GRM7: variants seen among roughly 807,000 people sequenced by gnomAD.
The protein encoded by GRM7 is glutamate metabotropic receptor 7, also known as metabotropic glutamate receptor 7.
In GRM7, 35 loss-of-function variants were observed where a neutral mutation model predicts 84.5. The observed-to-expected ratio is 0.41, with a 90% CI of 0.32 to 0.55. The LOEUF (loss-of-function observed/expected upper bound fraction) is 0.55. GRM7 is among the 20% of genes least tolerant of loss of function. GRM7 has a pLI of 0.19. For synonymous variants in GRM7, 487 were observed against 455.1 expected (o/e 1.07, Z -0.89); for missense variants, 1,003 against 1,194.6 (o/e 0.84, Z 2.36).
At chr3:7,595,079 A>T (rs948712108) in intron 8 of GRM7, among the ~76,000 whole-genome samples, 4 of 152,196 alleles carry the variant, frequency 2.6e-5, no homozygotes, top group African/African-American at 7.2e-5. Flanking sequence ...CATTCATTCA[A>T]TATGTATTTA....
chr3:7,489,767 C>A (rs1699454982), intron 7 of GRM7, among the ~76,000 whole-genome samples: 1 of 151,924 alleles, frequency 6.6e-6, no homozygotes, highest in Non-Finnish European at 1.5e-5. Context: ...AATGAGGTCA[C>A]AGCTTTCTTA....
chr3:7,512,188 T>C (rs900709707), intron 7 of GRM7, among the ~76,000 whole-genome samples: 1 of 152,116 alleles, frequency 6.6e-6, no homozygotes, highest in Non-Finnish European at 1.5e-5. Flanking sequence ...GACAATTCAG[T>C]GACCATGAGA....
chr3:7,360,767 T>C (rs779552179), intron 4 of GRM7, among the ~76,000 whole-genome samples: 6 of 152,120 alleles, frequency 3.9e-5, no homozygotes, highest in African/African-American at 7.2e-5. Flanking sequence ...CAAATAATCA[T>C]CAAAATGTGA....
chr3:7,609,250 C>T (rs760692928), intron 8 of GRM7, among the ~76,000 whole-genome samples: 2 of 152,148 alleles, frequency 1.3e-5, no homozygotes, highest in Non-Finnish European at 2.9e-5. Flanking sequence ...GTCAGTAATT[C>T]ACTGTTCTTA....
chr3:7,118,601 C>T (rs1693119781), intron 1 of GRM7, among the ~76,000 whole-genome samples: 1 of 142,094 alleles, frequency 7.0e-6, no homozygotes, highest in Non-Finnish European at 1.6e-5. Context: ...TCGATCTTTC[C>T]AATTTCTGCT....
intron 7 of GRM7, among the ~76,000 whole-genome samples, chr3:7,510,003 T>C (rs1700150344): frequency 1.3e-5 from 2 of 152,224 alleles, no homozygotes; most frequent in Admixed American, 1.3e-4. Context: ...TATTTGTTTC[T>C]ACTTTTAAGC....
At chr3:7,289,773 C>A (rs1425491876) in intron 2 of GRM7, among the ~76,000 whole-genome samples, 1 of 149,148 alleles carries the variant, frequency 6.7e-6, no homozygotes, top group African/African-American at 2.5e-5. Flanking sequence ...AAAACAAACA[C>A]CACATGTTCT....
chr3:7,552,297 T>A (rs1559397851), intron 7 of GRM7, among the ~76,000 whole-genome samples: 2 of 152,184 alleles, frequency 1.3e-5, no homozygotes, highest in Admixed American at 6.5e-5. Context: ...ACAGCCCCAC[T>A]CCTGGTTGCT....
At position 7,578,996 on chromosome 3, in the gene GRM7, T is replaced by C. The variant is rs1695103685; in HGVS notation, c.2090T>C (p.Ile697Thr). ...AAATCAGTAACAGCTCCCAGACTCA[T>C]AAGCCCAACATCACAACTGGCAATC... ...GKKSVTAPRL[I>T]SPTSQLAITS... Residue 697 changes from isoleucine to threonine, a missense_variant, in exon 8 of 10, where the codon ATA (isoleucine) becomes ACA (threonine). Coordinates refer to ENST00000357716, the MANE Select transcript of GRM7 (RefSeq NM_000844.4). The C allele has an allele frequency of 6.2e-7, 1 of 1,614,016 alleles. No individual in the cohort carries two copies. The highest frequency in any genetic ancestry group is 8.5e-7 in the Non-Finnish European group (1 of 1,180,002).
intron 8 of GRM7, among the ~76,000 whole-genome samples, chr3:7,644,530 AT>A (rs1387758421): frequency 1.3e-5 from 2 of 152,146 alleles, no homozygotes; most frequent in Non-Finnish European, 2.9e-5. Flanking sequence ...CTCTCAGATA[AT>A]TCAAAGATGC....
chr3:7,194,379 T>A (rs1002715963), intron 2 of GRM7, among the ~76,000 whole-genome samples: 8 of 152,224 alleles, frequency 5.3e-5, no homozygotes, highest in African/African-American at 1.9e-4. Context: ...TAACACAGTG[T>A]TTGACATACA....
intron 2 of GRM7, among the ~76,000 whole-genome samples, chr3:7,168,600 T>C (rs961323136): frequency 6.6e-6 from 1 of 152,176 alleles, no homozygotes; most frequent in Non-Finnish European, 1.5e-5. Context: ...GTTTGTTGTT[T>C]AAGCCCTTCA....
At chr3:7,612,982 A>C (rs769967386) in intron 8 of GRM7, among the ~76,000 whole-genome samples, 32 of 152,334 alleles carry the variant, frequency 2.1e-4, no homozygotes, top group Middle Eastern at 6.8e-3. Flanking sequence ...TTTAATGAGC[A>C]GATAATATGA....
chr3:7,062,703 A>G (rs1048101501), intron 1 of GRM7, among the ~76,000 whole-genome samples: 3 of 151,686 alleles, frequency 2.0e-5, no homozygotes, highest in African/African-American at 7.3e-5. Context: ...CCACATCTGT[A>G]CTCTATTAAA....
intron 1 of GRM7, among the ~76,000 whole-genome samples, chr3:6,952,460 G>C (rs1041467691): frequency 6.6e-6 from 1 of 152,104 alleles, no homozygotes; most frequent in Non-Finnish European, 1.5e-5. Context: ...TATTATTTCT[G>C]GTATTCTGTC....
chr3:7,337,788 C>T (rs980101534), intron 4 of GRM7, among the ~76,000 whole-genome samples: 14 of 151,918 alleles, frequency 9.2e-5, no homozygotes, highest in African/African-American at 3.4e-4. Context: ...GAAAAGGGAA[C>T]ACTTATACAT....
chr3:7,563,058 ATTC>A (rs1489744486), intron 7 of GRM7, among the ~76,000 whole-genome samples: 2 of 152,182 alleles, frequency 1.3e-5, no homozygotes, highest in Non-Finnish European at 2.9e-5. Flanking sequence ...TTAGTAAGCC[ATTC>A]TTCTCCATTT....
intron 2 of GRM7, among the ~76,000 whole-genome samples, chr3:7,238,219 A>G (rs1464370926): frequency 1.3e-5 from 2 of 152,066 alleles, no homozygotes; most frequent in Non-Finnish European, 2.9e-5. Flanking sequence ...CATCAACTCC[A>G]ACTCTTCCTC....
intron 4 of GRM7, among the ~76,000 whole-genome samples, chr3:7,346,381 C>T (rs1692895779): frequency 6.6e-6 from 1 of 152,148 alleles, no homozygotes; most frequent in Non-Finnish European, 1.5e-5. Flanking sequence ...TGTTTTCAGC[C>T]TGCTTACAAA....
Sources: gnomAD v4.1 joint callset for allele counts (sites outside exome capture counted in the v4.1 genomes callset) on GRCh38, gnomAD v4.1.1 for gene constraint, MANE v1.5 for transcripts, NCBI Gene and HGNC (gene_info 2026-07-23, HGNC 2026-07-21) for gene names.